Variants in CLASRP observed in about 807,000 individuals in gnomAD.
CLASRP encodes the protein CLK4 associating serine/arginine rich protein.
In CLASRP, 52 loss-of-function variants were observed where a neutral mutation model predicts 99.9. The observed-to-expected ratio is 0.52, with a 90% CI of 0.42 to 0.66. CLASRP has a LOEUF of 0.66. CLASRP is among the 30% of genes least tolerant of loss of function. The pLI is 0.00. For synonymous variants in CLASRP, 379 were observed against 373.0 expected, an observed-to-expected ratio of 1.02 and a Z score of -0.18; for missense variants, 848 against 999.2, an observed-to-expected ratio of 0.85 and a Z score of 2.04.
intron 2 of CLASRP, among the ~76,000 whole-genome samples, chr19:45,044,610 TA>T (rs1007005825): frequency 8.6e-5 from 13 of 151,446 alleles, no homozygotes; most frequent in Non-Finnish European, 1.3e-4. Flanking sequence ...CAAAAAATAA[TA>T]AAAAAAAATT....
At chr19:45,070,674 C>T in intron 20 of CLASRP, 113 bp downstream of exon 20, 1 of 1,288,844 alleles carries the variant, frequency 7.8e-7, no homozygotes, top group Non-Finnish European at 1.1e-6. Flanking sequence ...GTTGGAGGGG[C>T]TGGTCTCATC....
chr19:45,050,287 A>G (rs1025100629), intron 2 of CLASRP, among the ~76,000 whole-genome samples: 7 of 152,138 alleles, frequency 4.6e-5, no homozygotes, highest in Non-Finnish European at 8.8e-5. Context: ...GCATCCACAC[A>G]TTGAAAGATG....
intron 13 of CLASRP, among the ~76,000 whole-genome samples, chr19:45,066,696 T>C (rs1273713672): frequency 6.9e-6 from 1 of 144,378 alleles, no homozygotes; most frequent in African/African-American, 2.6e-5. Context: ...TTCCAGGTCA[T>C]ATATTCCTTG....
chr19:45,044,010 C>G (rs932899197), intron 2 of CLASRP, among the ~76,000 whole-genome samples: 4 of 152,188 alleles, frequency 2.6e-5, no homozygotes, highest in African/African-American at 9.6e-5. Context: ...GCCTCCCAAG[C>G]AGCTGAGACT....
chr19:45,059,926 G>T (rs1966901640), intron 8 of CLASRP, among the ~76,000 whole-genome samples: 1 of 152,164 alleles, frequency 6.6e-6, no homozygotes. Flanking sequence ...TGCCCAGCCT[G>T]CACAGTCTCC....
rs1478230185 is a variant in CLASRP, at chr19:45,064,360, C to A, written c.1139C>A (p.Ser380Tyr). The A allele has an allele frequency of 1.3e-6, 2 of 1,532,992 alleles. No homozygotes were observed. Among genetic ancestry groups the A allele is most frequent in the Non-Finnish European group, 1.7e-6 (2 of 1,144,346 alleles). 95.0% of individuals were successfully genotyped at this position (1,532,992 alleles called of 1,614,324 possible). A position where few individuals can be genotyped will look rare whatever the true frequency, so the allele number is the denominator to read the frequency against. ...NASARRRSSSSSSSSSASRTS... is the reference protein window; with the variant it reads ...NASARRRSSSYSSSSSASRTS... ...GCCTGCAGCCGCCGCTCCTCCTCCT[C>A]CTCCTCCTCCTCTTCTGCCTCGAGG... Residue 380 changes from serine to tyrosine, a missense_variant, in exon 13 of 21, where the codon TCC becomes TAC. Around this residue, in one of 8 missense-constraint regions of CLASRP, gnomAD observed 489 missense variants for 434.7 expected, o/e 1.12. Coordinates refer to ENST00000221455, the MANE Select transcript of CLASRP (RefSeq NM_007056.3).
At position 45,067,606 on chromosome 19, in the gene CLASRP, G is replaced by C; in HGVS notation, c.1667+12G>C. The C allele has an allele frequency of 6.3e-7, 1 of 1,577,542 alleles. No individual in the cohort carries two copies. Among genetic ancestry groups the C allele is most frequent in the Non-Finnish European group, 8.6e-7 (1 of 1,163,200 alleles). Reference sequence around the variant, plus strand: ...GAGAAGCTGAAAAAGTGAGCGGGGCGGGTCTGGAGGAAGAGGGCTGCCAAT... The same window carrying C: ...GAGAAGCTGAAAAAGTGAGCGGGGCCGGTCTGGAGGAAGAGGGCTGCCAAT... On this transcript the variant is annotated intron_variant, in intron 14 of 20. Transcript: ENST00000221455. This position sits in a 1 kb window ranked among gnomAD's most constrained non-coding sequence, Gnocchi z 4.9.
At chr19:45,066,602 G>A (rs577332178) in intron 13 of CLASRP, among the ~76,000 whole-genome samples, 89 of 140,430 alleles carry the variant, frequency 6.3e-4, no homozygotes, top group African/African-American at 2.4e-3. Flanking sequence ...TCCAGCCTGG[G>A]CGACAGAGAG....
chr19:45,049,412 C>T (rs1971980862), intron 2 of CLASRP, among the ~76,000 whole-genome samples: 1 of 152,202 alleles, frequency 6.6e-6, no homozygotes, highest in Admixed American at 6.5e-5. Flanking sequence ...AGCTGGACTC[C>T]AGCAGCGCCA....
chr19:45,068,102 T>C (rs909849469), intron 15 of CLASRP, 48 bp downstream of exon 15: 1 of 1,583,474 alleles, frequency 6.3e-7, no homozygotes, highest in Non-Finnish European at 8.7e-7. Flanking sequence ...TCAGCAGCAG[T>C]GCCCAAGAGC....
chr19:45,048,540 C>G (rs1971963905), intron 2 of CLASRP, among the ~76,000 whole-genome samples: 1 of 150,390 alleles, frequency 6.6e-6, no homozygotes, highest in Admixed American at 6.7e-5. Flanking sequence ...AACAGACAAA[C>G]AAAAAATTAC....
rs370663852 is a variant in CLASRP at position 45,040,201 on chromosome 19, G to A, written c.-12G>A. 2 of 1,596,498 alleles carry A rather than the reference G, an allele frequency of 1.3e-6. No homozygotes were observed. The highest frequency in any genetic ancestry group is 1.7e-6 in the Non-Finnish European group (2 of 1,172,492). ...TCCCTCAGGTTGAGGCCCCAGGCTT[G>A]GCCTCACCACAATGTGGCACGAGGC... On this transcript the variant is annotated 5_prime_UTR_variant, in exon 2 of 21. Transcript: ENST00000221455.
chr19:45,064,569 G>T lies in CLASRP; in HGVS notation c.1348G>T (p.Gly450Ter). 6.5e-7 allele frequency: 1 copy of T among 1,541,118 alleles called. No homozygotes were observed. ...RRHSGGGSRD[G>*]HRYSRSPARR... ...GCACTCAGGTGGGGGCTCCCGAGAC[G>T]GACACCGGTACTCCCGCTCGCCCGC... The change falls in exon 13 of 21, where the codon GGA (glycine) becomes TGA (stop). Residue 450 changes from glycine (G) to a stop codon, truncating the protein, a stop_gained. Transcript: ENST00000221455. LOFTEE classifies it high-confidence loss of function.
intron 2 of CLASRP, among the ~76,000 whole-genome samples, chr19:45,041,650 C>A (rs903574071): frequency 3.9e-5 from 6 of 152,206 alleles, no homozygotes; most frequent in African/African-American, 1.4e-4. Context: ...GTCCAAGAGG[C>A]CTTTCTAAAG....
rs1751034296 is a variant in CLASRP at position 45,060,987 on chromosome 19, A to G, written c.863+360A>G. On this transcript the variant is annotated intron_variant, in intron 10 of 20. Coordinates refer to ENST00000221455, the MANE Select transcript of CLASRP (RefSeq NM_007056.3). This position sits in a 1 kb window ranked among gnomAD's most constrained non-coding sequence, Gnocchi z 4.6. ...TTCTTCCTGTGTCGGAGTTTGGACA[A>G]GTGACTTCCCGAACTCTCTGAGCTT... Among the ~76,000 whole-genome samples, 1 of 152,206 alleles carries G rather than the reference A, an allele frequency of 6.6e-6. No homozygotes were observed. The highest frequency in any genetic ancestry group is 1.5e-5 in the Non-Finnish European group (1 of 68,040).
intron 2 of CLASRP, among the ~76,000 whole-genome samples, chr19:45,041,076 C>T (rs919313289): frequency 1.3e-5 from 2 of 151,960 alleles, no homozygotes; most frequent in African/African-American, 4.8e-5. Flanking sequence ...AAAAAATTAG[C>T]CAGGTGAGGT....
At chr19:45,047,783 C>A (rs1166197920) in intron 2 of CLASRP, among the ~76,000 whole-genome samples, 1 of 152,066 alleles carries the variant, frequency 6.6e-6, no homozygotes, top group African/African-American at 2.4e-5. Flanking sequence ...TTTTCTACCA[C>A]AATAAAAAAA....
Position 45,068,006 on chromosome 19 carries a change from C to T in CLASRP, c.1668-9C>T. ...CCCAACCATGTCCTCTGGCCCTGCCCCCACCCAGGACCGAACCTGCCGCTG... is the reference window on the plus strand; with the variant it reads ...CCCAACCATGTCCTCTGGCCCTGCCTCCACCCAGGACCGAACCTGCCGCTG... On this transcript the variant is annotated splice_polypyrimidine_tract_variant and intron_variant, in intron 14 of 20. Coordinates refer to ENST00000221455, the MANE Select transcript of CLASRP (RefSeq NM_007056.3). The T allele has an allele frequency of 1.2e-6, 2 of 1,610,820 alleles. No individual in the cohort carries two copies. The highest frequency in any genetic ancestry group is 1.7e-6 in the Non-Finnish European group (2 of 1,177,082).
chr19:45,058,140 G>A (rs1972156768), intron 7 of CLASRP: 1 of 541,334 alleles, frequency 1.8e-6, no homozygotes, highest in Non-Finnish European at 3.3e-6. Flanking sequence ...CCCCTCCTAG[G>A]TGTTGGCTCC....
Sources: allele counts gnomAD v4.1 joint callset (sites outside exome capture counted in the v4.1 genomes callset), GRCh38; gene constraint gnomAD v4.1.1; regional missense constraint gnomAD v4.1.1; non-coding constraint Gnocchi (gnomAD v3.1); transcripts MANE v1.5; gene names NCBI Gene and HGNC (gene_info 2026-07-23, HGNC 2026-07-21).